ANXA13: variants seen among roughly 807,000 people sequenced by gnomAD.
ANXA13 encodes annexin XIII.
ANXA13 carries 36 observed loss-of-function variants against 46.6 expected under a neutral mutation model. The observed-to-expected ratio is 0.77, with a 90% CI of 0.59 to 1.02. The LOEUF (loss-of-function observed/expected upper bound fraction) is 1.02, where lower values mean the gene tolerates loss of function less well. ANXA13 is among the 50% of genes least tolerant of loss of function. The pLI is 0.00. For synonymous variants in ANXA13, 163 were observed against 152.9 expected (o/e 1.07, Z -0.49); for missense variants, 417 against 396.5 (o/e 1.05, Z -0.44).
rs6995232 is a variant in ANXA13 at position 123,698,370 on chromosome 8, G to A, written c.357+19C>T. On this transcript the variant is annotated intron_variant, in intron 4 of 10. Transcript: ENST00000419625. ...TATTGGGTGTGTGATGCTCCCTTGC[G>A]GGCTCAGCTGGGACTGACCTTATTG... 142,590 of 1,611,462 alleles carry A rather than the reference G, an allele frequency of 0.088. 7,618 individuals are homozygous for A. Among genetic ancestry groups the A allele is most frequent in the African/African-American group, 0.24 (18,039 of 74,910 alleles).
At chr8:123,711,948 C>G (rs1813667897) in intron 2 of ANXA13, 1 of 152,770 alleles carries the variant, frequency 6.5e-6, no homozygotes, top group African/African-American at 2.4e-5. Context: ...GGTCCCTAAT[C>G]CGGCTCTCAT....
chr8:123,724,801 G>C (rs1364570602), intron 1 of ANXA13, among the ~76,000 whole-genome samples: 2 of 152,204 alleles, frequency 1.3e-5, no homozygotes, highest in African/African-American at 2.4e-5. Flanking sequence ...GTCTAATCCA[G>C]GGGTTGGCAA....
intron 1 of ANXA13, among the ~76,000 whole-genome samples, chr8:123,720,684 G>GTGTGTGTGTGTGTGTGTGTT (rs1358504083): frequency 2.9e-4 from 44 of 151,800 alleles, no homozygotes; most frequent in African/African-American, 9.4e-4. Flanking sequence ...GTGTGTGTGT[G>GTGTGTGTGTGTGTGTGTGTT]TGTGTGTGTG....
intron 4 of ANXA13, 59 bp downstream of exon 4, chr8:123,698,330 G>T: frequency 6.4e-7 from 1 of 1,572,804 alleles, no homozygotes; most frequent in Non-Finnish European, 8.7e-7. Flanking sequence ...CCTTCTGGGG[G>T]GCTGCAACCA....
At chr8:123,709,522 T>A (rs949774862) in intron 2 of ANXA13, among the ~76,000 whole-genome samples, 3 of 152,030 alleles carry the variant, frequency 2.0e-5, no homozygotes, top group African/African-American at 7.3e-5. Context: ...ATGCCTGAGG[T>A]TGCAGTTTTT....
intron 2 of ANXA13, among the ~76,000 whole-genome samples, chr8:123,708,492 T>C (rs1813589764): frequency 6.6e-6 from 1 of 152,188 alleles, no homozygotes; most frequent in African/African-American, 2.4e-5. Context: ...GCCCCCGCTC[T>C]GGTGCTTAAG....
intron 1 of ANXA13, among the ~76,000 whole-genome samples, chr8:123,717,356 GC>G (rs1273874596): frequency 6.6e-6 from 1 of 152,126 alleles, no homozygotes; most frequent in Non-Finnish European, 1.5e-5. Flanking sequence ...TCATTTCTTG[GC>G]TTTTTGCCTT....
intron 1 of ANXA13, among the ~76,000 whole-genome samples, chr8:123,732,750 C>G (rs894135939): frequency 6.6e-6 from 1 of 152,030 alleles, no homozygotes; most frequent in Non-Finnish European, 1.5e-5. Context: ...ATGTAGCTAC[C>G]CTTCAGAGAC....
rs748329718 is a variant in ANXA13, at chr8:123,701,366, A to G, written c.186+1276T>C. Among the ~76,000 whole-genome samples, 144 of 152,130 alleles carry G rather than the reference A, an allele frequency of 9.5e-4. 2 individuals are homozygous for G. The highest frequency in any genetic ancestry group is 3.3e-4 in the Admixed American group (5 of 15,274). ...GTGCCTGTAATCCCAGCTACTCAGG[A>G]GGCTGAGGCAGGAGAATCGCTTGAA... On this transcript the variant is annotated intron_variant, in intron 3 of 10. Coordinates refer to ENST00000419625, the MANE Select transcript of ANXA13 (RefSeq NM_004306.4).
intron 10 of ANXA13, among the ~76,000 whole-genome samples, chr8:123,681,692 C>T (rs112851754): frequency 0.012 from 1,707 of 147,652 alleles, 16 homozygotes; most frequent in Admixed American, 0.018. Context: ...GGTGCAGTCT[C>T]GGCTCACTGC....
At chr8:123,715,355 T>C (rs1230304698) in intron 1 of ANXA13, among the ~76,000 whole-genome samples, 4 of 152,232 alleles carry the variant, frequency 2.6e-5, no homozygotes, top group Non-Finnish European at 4.4e-5. Flanking sequence ...AGTGTGGAAG[T>C]GGCAACTTCG....
At chr8:123,708,337 A>G (rs1813585176) in intron 2 of ANXA13, among the ~76,000 whole-genome samples, 1 of 152,164 alleles carries the variant, frequency 6.6e-6, no homozygotes, top group East Asian at 1.9e-4. Context: ...ACCGAGTCAC[A>G]TTTCAGCAGG....
intron 1 of ANXA13, chr8:123,729,099 T>A (rs1814058849): frequency 1.3e-5 from 2 of 152,146 alleles, no homozygotes; most frequent in Non-Finnish European, 2.9e-5. Flanking sequence ...TTACTTACTA[T>A]GATTATTCAC....
At chr8:123,698,976 A>G (rs867755259) in intron 3 of ANXA13, among the ~76,000 whole-genome samples, 1 of 152,202 alleles carries the variant, frequency 6.6e-6, no homozygotes. Context: ...GGACTGGAGA[A>G]TTTGTCATCC....
At chr8:123,733,001 G>A (rs1398912137) in intron 1 of ANXA13, among the ~76,000 whole-genome samples, 4 of 151,748 alleles carry the variant, frequency 2.6e-5, no homozygotes, top group South Asian at 2.1e-4. Flanking sequence ...AGGATGACCC[G>A]TCTTTAAAAA....
At chr8:123,735,726 A>G in intron 1 of ANXA13, 1 of 1,599,186 alleles carries the variant, frequency 6.3e-7, no homozygotes, top group African/African-American at 1.3e-5. Flanking sequence ...GGTCATACCT[A>G]TGATTTGGGG....
chr8:123,701,306 C>T (rs1415222661), intron 3 of ANXA13, among the ~76,000 whole-genome samples: 1 of 152,038 alleles, frequency 6.6e-6, no homozygotes, highest in Admixed American at 6.5e-5. Flanking sequence ...AAAAATTTTA[C>T]TAAAAACACA....
chr8:123,694,507 G>A (rs1024736617), intron 6 of ANXA13, among the ~76,000 whole-genome samples: 8 of 152,186 alleles, frequency 5.3e-5, no homozygotes, highest in African/African-American at 1.4e-4. Context: ...TGTGTGGAAG[G>A]GAGCTGCTGG....
intron 10 of ANXA13, among the ~76,000 whole-genome samples, chr8:123,683,459 G>T (rs1813079135): frequency 7.2e-6 from 1 of 138,796 alleles, no homozygotes. Flanking sequence ...GATGTCTGTG[G>T]TTTTCAAGTG....
Sources: allele counts gnomAD v4.1 joint callset (sites outside exome capture counted in the v4.1 genomes callset), GRCh38; gene constraint gnomAD v4.1.1; transcripts MANE v1.5; gene names NCBI Gene and HGNC (gene_info 2026-07-23, HGNC 2026-07-21).